The following WDSUB1 variants were observed in gnomAD, a reference collection of about 807,000 sequenced individuals.
WDSUB1 encodes WD repeat, sterile alpha motif and U-box domain containing 1, also known as WD repeat, SAM and U-box domain-containing protein 1.
A neutral mutation model predicts 53.9 loss-of-function variants in WDSUB1; 49 were observed. The ratio of observed to expected loss-of-function variants is 0.91; its 90% CI spans 0.72 to 1.15. The LOEUF is 1.15. Among genes scored for constraint, WDSUB1 ranks in the 50% most tolerant of loss-of-function variants. The pLI is 0.00. For synonymous variants in WDSUB1, 194 were observed against 200.6 expected, an observed-to-expected ratio of 0.97 and a Z score of 0.28; for missense variants, 514 against 562.0, an observed-to-expected ratio of 0.91 and a Z score of 0.86.
rs2061697186 is a variant in WDSUB1 at position 159,282,855 on chromosome 2, C to T, written c.215G>A (p.Cys72Tyr). The change falls in exon 2 of 11, where the codon TGT becomes TAT. Residue 72 changes from cysteine to tyrosine, a missense_variant. By Grantham distance (194) the Cys-to-Tyr change is radical. Coordinates refer to ENST00000359774, the MANE Select transcript of WDSUB1 (RefSeq NM_001128212.3). ...FSPSGHILASCSTDGTTVLWN... is the reference protein window; with the variant it reads ...FSPSGHILASYSTDGTTVLWN... ...TAGGACAGTGGTACCATCTGTTGAA[C>T]ACGATGCCAAAATATGTCCTGAAGG... 4.3e-6 allele frequency: 7 copies of T among 1,614,122 alleles called. No homozygotes were observed. The East Asian group carries it at 1.3e-4, about 31-fold the overall frequency.
chr2:159,272,335 T>C (rs2061459553), intron 4 of WDSUB1, among the ~76,000 whole-genome samples: 1 of 152,176 alleles, frequency 6.6e-6, no homozygotes, highest in African/African-American at 2.4e-5. Flanking sequence ...CTGGGCTCAT[T>C]TATCTTTTAA....
At chr2:159,242,052 T>TTTTA (rs1161686103) in intron 10 of WDSUB1, among the ~76,000 whole-genome samples, 4 of 145,666 alleles carry the variant, frequency 2.7e-5, no homozygotes, top group African/African-American at 1.1e-4. Context: ...CAAAAGCAAC[T>TTTTA]TTTATTTATT....
intron 3 of WDSUB1, among the ~76,000 whole-genome samples, chr2:159,277,678 A>C (rs538342697): frequency 1.3e-5 from 2 of 152,374 alleles, no homozygotes; most frequent in South Asian, 4.1e-4. Flanking sequence ...TCAATATGTC[A>C]TAAGTATTTA....
At chr2:159,237,995 TG>T (rs2060532896) in intron 10 of WDSUB1, among the ~76,000 whole-genome samples, 1 of 152,186 alleles carries the variant, frequency 6.6e-6, no homozygotes, top group African/African-American at 2.4e-5. Flanking sequence ...CTGCTAGCAA[TG>T]TTTATGAGAA....
chr2:159,268,740 T>C (rs1464370778), intron 5 of WDSUB1, among the ~76,000 whole-genome samples: 1 of 152,144 alleles, frequency 6.6e-6, no homozygotes, highest in Non-Finnish European at 1.5e-5. Context: ...AATTGAATCA[T>C]GAAACGATGT....
At chr2:159,282,253 T>G (rs984721236) in intron 2 of WDSUB1, among the ~76,000 whole-genome samples, 1 of 152,104 alleles carries the variant, frequency 6.6e-6, no homozygotes, top group East Asian at 1.9e-4. Context: ...AGTACAGTGG[T>G]GTGATCTCGG....
intron 10 of WDSUB1, among the ~76,000 whole-genome samples, chr2:159,246,821 A>G (rs1424259069): frequency 6.6e-6 from 1 of 152,250 alleles, no homozygotes; most frequent in Non-Finnish European, 1.5e-5. Context: ...AATATAAATT[A>G]CTGATACTAC....
chr2:159,262,287 G>A (rs1167445841), intron 5 of WDSUB1, among the ~76,000 whole-genome samples: 2 of 151,934 alleles, frequency 1.3e-5, no homozygotes, highest in Non-Finnish European at 2.9e-5. Context: ...AAATCAGTGC[G>A]ACAGGCAAGA....
intron 3 of WDSUB1, 86 bp downstream of exon 3, chr2:159,279,675 T>C: frequency 8.1e-7 from 1 of 1,241,206 alleles, no homozygotes; most frequent in Middle Eastern, 3.0e-4. Context: ...AATGATAACA[T>C]AAAAAAGAAT....
At chr2:159,269,357 G>C (rs13419513) in intron 5 of WDSUB1, among the ~76,000 whole-genome samples, 22,824 of 151,818 alleles carry the variant, frequency 0.15, 3,460 homozygotes, top group African/African-American at 0.38. Flanking sequence ...TTTTAGTAGA[G>C]ATGAGGTTTC....
At chr2:159,263,016 T>G (rs72961909) in intron 5 of WDSUB1, among the ~76,000 whole-genome samples, 5 of 152,322 alleles carry the variant, frequency 3.3e-5, no homozygotes, top group Non-Finnish European at 7.4e-5. Flanking sequence ...CCTACAGTTT[T>G]GTGGTGCTCT....
At chr2:159,237,937 G>A (rs78032693) in intron 10 of WDSUB1, among the ~76,000 whole-genome samples, 6,110 of 73,330 alleles carry the variant, frequency 0.083, 394 homozygotes, top group African/African-American at 0.22. Context: ...ATATAATCTC[G>A]CTAGATAGTG....
chr2:159,275,735 T>C, intron 3 of WDSUB1, 97 bp from the exon 4 acceptor site: 8 of 888,428 alleles, frequency 9.0e-6, no homozygotes, highest in Non-Finnish European at 1.3e-5. Context: ...ATTCTACTCA[T>C]TTAAACCATG....
chr2:159,282,431 ATCC>A lies in WDSUB1; in HGVS notation c.398+238_398+240del, dbSNP rs555494339. The stretch of plus-strand genomic sequence containing the variant: ...ATGGTCTCGATCTCCTGACCTCGTG[ATCC>A]GCCTGCCTTGGCCTCCCAAAGTGCT... On this transcript the variant is annotated intron_variant, in intron 2 of 10. Coordinates refer to ENST00000359774, the MANE Select transcript of WDSUB1 (RefSeq NM_001128212.3). 8.1e-3 allele frequency among the ~76,000 whole-genome samples: 1,234 copies of A among 152,286 alleles called. 12 individuals are homozygous for A. Among genetic ancestry groups the A allele is most frequent in the African/African-American group, 0.023 (953 of 41,562 alleles).
chr2:159,262,218 T>C (rs972063301), intron 5 of WDSUB1, among the ~76,000 whole-genome samples: 1 of 151,930 alleles, frequency 6.6e-6, no homozygotes, highest in South Asian at 2.1e-4. Context: ...AACCAACTCA[T>C]CACTTAATAA....
rs182885420 is a variant in WDSUB1 at position 159,256,474 on chromosome 2, G to T, written c.953-99C>A. 1.5e-3 allele frequency: 1,894 copies of T among 1,280,068 alleles called. 7 individuals carry two copies. The Middle Eastern group carries it at 0.02, about 13-fold the overall frequency. 79.3% of individuals were successfully genotyped at this position (1,280,068 alleles called of 1,614,324 possible). On this transcript the variant is annotated intron_variant, in intron 8 of 10. Transcript: ENST00000359774. ...AAGTAAATGAAATTTCCTTAAATCT[G>T]TGTTTTATAGCTAGGTACAGTGGCT...
At chr2:159,267,773 A>G (rs1438780431) in intron 5 of WDSUB1, among the ~76,000 whole-genome samples, 2 of 152,156 alleles carry the variant, frequency 1.3e-5, no homozygotes, top group Non-Finnish European at 2.9e-5. Flanking sequence ...CACAAATAGA[A>G]TCTATCATTA....
intron 9 of WDSUB1, among the ~76,000 whole-genome samples, chr2:159,255,432 A>C (rs1449081031): frequency 1.3e-5 from 2 of 152,156 alleles, no homozygotes; most frequent in Non-Finnish European, 1.5e-5. Context: ...GCGCCACTGC[A>C]CACCGGCCTG....
At position 159,256,388 on chromosome 2, in the gene WDSUB1, AAAC is replaced by A. The variant is rs763499736; in HGVS notation, c.953-16_953-14del. ...TCTGTGCGCCTTGCTTAAAATAAAC[AAAC>A]AAGTAAGTGAGATAACAAAAAAGTA... On this transcript the variant is annotated splice_polypyrimidine_tract_variant and intron_variant, in intron 8 of 10. Transcript: ENST00000359774. 2.4e-5 allele frequency: 38 copies of A among 1,599,420 alleles called. No homozygotes were observed. Among genetic ancestry groups the A allele is most frequent in the Non-Finnish European group, 3.0e-5 (35 of 1,175,596 alleles).
Sources: gnomAD v4.1 joint callset for allele counts (sites outside exome capture counted in the v4.1 genomes callset) on GRCh38, gnomAD v4.1.1 for gene constraint, MANE v1.5 for transcripts, NCBI Gene and HGNC (gene_info 2026-07-23, HGNC 2026-07-21) for gene names.